The following OLA1 variants were observed in gnomAD, a reference collection of about 807,000 sequenced individuals.
OLA1 encodes Obg like ATPase 1, also known as obg-like ATPase 1.
OLA1 carries 14 observed loss-of-function variants against 48.4 expected under a neutral mutation model. The observed-to-expected ratio is 0.29, with a 90% confidence interval of 0.19 to 0.45. OLA1 has a LOEUF of 0.45. Among genes scored for constraint, OLA1 ranks in the 20% least tolerant of loss-of-function variants. The pLI, the probability that OLA1 is intolerant of heterozygous loss-of-function variation, is 1.00. For synonymous variants in OLA1, 127 were observed against 150.4 expected (o/e 0.84, Z 1.14); for missense variants, 325 against 467.1 (o/e 0.70, Z 2.80).
At chr2:174,224,652 C>T (rs905669213) in intron 3 of OLA1, among the ~76,000 whole-genome samples, 1 of 152,096 alleles carries the variant, frequency 6.6e-6, no homozygotes, top group East Asian at 1.9e-4. Flanking sequence ...AAGAGGTTTA[C>T]TGGAGGGGGT....
chr2:174,180,683 G>T (rs1301878608), intron 4 of OLA1, among the ~76,000 whole-genome samples: 1 of 152,114 alleles, frequency 6.6e-6, no homozygotes, highest in African/African-American at 2.4e-5. Context: ...TGGCCTACTT[G>T]GCCCTAACCG....
chr2:174,220,744 A>C lies in OLA1; in HGVS notation c.373+2289T>G, dbSNP rs903653751. Among the ~76,000 whole-genome samples the C allele has an allele frequency of 1.5e-3, 227 of 152,342 alleles. 3 individuals carry two copies. Among genetic ancestry groups the C allele is most frequent in the Non-Finnish European group, 3.2e-4 (22 of 68,026 alleles). On this transcript the variant is annotated intron_variant, in intron 4 of 10. Transcript: ENST00000284719. ...TTACATATTTCTAATAGCCAAGGGAAGTAAACAAGGTGAGGCAAAAGTTAA... is the reference window on the plus strand; with the variant it reads ...TTACATATTTCTAATAGCCAAGGGACGTAAACAAGGTGAGGCAAAAGTTAA...
intron 2 of OLA1, among the ~76,000 whole-genome samples, chr2:174,230,215 TA>T (rs1421109556): frequency 6.6e-6 from 1 of 151,974 alleles, no homozygotes; most frequent in Non-Finnish European, 1.5e-5. Context: ...ATTTTAAAAA[TA>T]AAAAATAAAA....
At chr2:174,092,027 G>C (rs1161076394) in intron 7 of OLA1, among the ~76,000 whole-genome samples, 1 of 148,592 alleles carries the variant, frequency 6.7e-6, no homozygotes, top group Non-Finnish European at 1.5e-5. Flanking sequence ...TTAGTGGATA[G>C]ATAAACAGAG....
intron 4 of OLA1, among the ~76,000 whole-genome samples, chr2:174,199,383 C>T (rs1553488525): frequency 6.6e-6 from 1 of 152,136 alleles, no homozygotes; most frequent in Non-Finnish European, 1.5e-5. Flanking sequence ...TAGCAGGGGG[C>T]AGCTGCTCAA....
At chr2:174,171,191 T>C (rs1422925474) in intron 4 of OLA1, among the ~76,000 whole-genome samples, 1 of 152,152 alleles carries the variant, frequency 6.6e-6, no homozygotes, top group Non-Finnish European at 1.5e-5. Context: ...CTGGAGATCT[T>C]AACGCCCTTC....
At chr2:174,224,493 A>C (rs567287325) in intron 3 of OLA1, among the ~76,000 whole-genome samples, 37 of 152,338 alleles carry the variant, frequency 2.4e-4, no homozygotes, top group African/African-American at 7.7e-4. Context: ...TTAAGAAGCC[A>C]GGCATGGTGG....
At chr2:174,230,284 T>A (rs1289833787) in intron 2 of OLA1, among the ~76,000 whole-genome samples, 1 of 152,168 alleles carries the variant, frequency 6.6e-6, no homozygotes, top group Non-Finnish European at 1.5e-5. Context: ...AATTTTAAAC[T>A]CACAGTGGCC....
chr2:174,127,236 A>T (rs1221236288), intron 5 of OLA1, among the ~76,000 whole-genome samples: 3 of 152,146 alleles, frequency 2.0e-5, no homozygotes, highest in Non-Finnish European at 4.4e-5. Flanking sequence ...AAGTGACTTG[A>T]AGGTTCATGT....
At chr2:174,118,066 C>A (rs369666309) in intron 7 of OLA1, among the ~76,000 whole-genome samples, 10 of 152,012 alleles carry the variant, frequency 6.6e-5, no homozygotes, top group Non-Finnish European at 1.5e-4. Context: ...CAGGCACAGC[C>A]GGAGAAGGAG....
At chr2:174,194,641 TGC>T (rs1284411354) in intron 4 of OLA1, among the ~76,000 whole-genome samples, 3 of 152,194 alleles carry the variant, frequency 2.0e-5, no homozygotes, top group Non-Finnish European at 4.4e-5. Context: ...AATTAACATG[TGC>T]CCAATTCTTA....
chr2:174,203,324 A>G (rs910254406), intron 4 of OLA1, among the ~76,000 whole-genome samples: 3 of 152,208 alleles, frequency 2.0e-5, no homozygotes, highest in African/African-American at 4.8e-5. Context: ...TCAAATTTAA[A>G]TTATAGCCTG....
At chr2:174,107,261 G>A (rs1333443497) in intron 7 of OLA1, among the ~76,000 whole-genome samples, 1 of 152,112 alleles carries the variant, frequency 6.6e-6, no homozygotes, top group African/African-American at 2.4e-5. Context: ...TTTTACTTGG[G>A]TACTTTATAA....
intron 4 of OLA1, among the ~76,000 whole-genome samples, chr2:174,181,944 T>C (rs993296896): frequency 4.6e-5 from 7 of 152,218 alleles, no homozygotes; most frequent in African/African-American, 1.4e-4. Flanking sequence ...ATAAGCACTT[T>C]GAGGGCACAG....
At chr2:174,088,960 C>T (rs2105344622) in intron 7 of OLA1, among the ~76,000 whole-genome samples, 1 of 152,316 alleles carries the variant, frequency 6.6e-6, no homozygotes, top group Non-Finnish European at 1.5e-5. Context: ...TTTCAATGTT[C>T]TTGTCTGACT....
intron 2 of OLA1, among the ~76,000 whole-genome samples, chr2:174,230,941 T>C (rs374472364): frequency 3.2e-4 from 48 of 152,326 alleles, no homozygotes; most frequent in African/African-American, 1.1e-3. Flanking sequence ...ACTTTTACCC[T>C]GGGGACCTGT....
chr2:174,193,542 G>C (rs1387609394), intron 4 of OLA1, among the ~76,000 whole-genome samples: 1 of 152,094 alleles, frequency 6.6e-6, no homozygotes, highest in South Asian at 2.1e-4. Context: ...GCCTAAAATG[G>C]GGCAAGACTT....
chr2:174,144,930 T>TAAAAA (rs71021671), intron 4 of OLA1, among the ~76,000 whole-genome samples: 4 of 41,114 alleles, frequency 9.7e-5, no homozygotes, highest in African/African-American at 3.2e-4. Flanking sequence ...AGACCCTGTT[T>TAAAAA]AAAAAAAAAA....
At chr2:174,107,127 G>T (rs1218457567) in intron 7 of OLA1, among the ~76,000 whole-genome samples, 1 of 152,112 alleles carries the variant, frequency 6.6e-6, no homozygotes, top group Non-Finnish European at 1.5e-5. Flanking sequence ...GGGAGCTCCA[G>T]TTTAGAATGT....
Sources: allele counts gnomAD v4.1 joint callset (sites outside exome capture counted in the v4.1 genomes callset), GRCh38; gene constraint gnomAD v4.1.1; transcripts MANE v1.5; gene names NCBI Gene and HGNC (gene_info 2026-07-23, HGNC 2026-07-21).